The following STXBP5L variants were observed in gnomAD, a reference collection of about 807,000 sequenced individuals.
STXBP5L encodes the protein syntaxin-binding protein 5-like.
Under a neutral mutation model 144.5 loss-of-function variants are expected in STXBP5L, and 65 were observed. The ratio of observed to expected loss-of-function variants is 0.45; its 90% CI spans 0.37 to 0.55. STXBP5L has a LOEUF of 0.55. STXBP5L is among the 20% of genes least tolerant of loss of function. The pLI is 0.00. For missense variants in STXBP5L, 1,298 were observed against 1,405.5 expected, an observed-to-expected ratio of 0.92 and a Z score of 1.22; for synonymous variants, 505 against 469.6, an observed-to-expected ratio of 1.08 and a Z score of -0.97.
chr3:121,026,418 C>T (rs2107483243), intron 3 of STXBP5L, among the ~76,000 whole-genome samples: 1 of 152,182 alleles, frequency 6.6e-6, no homozygotes, highest in Non-Finnish European at 1.5e-5. Context: ...CATTATAACA[C>T]ATCACTAGCT....
intron 5 of STXBP5L, among the ~76,000 whole-genome samples, chr3:121,101,152 T>G (rs2043402680): frequency 6.6e-6 from 1 of 152,046 alleles, no homozygotes; most frequent in Non-Finnish European, 1.5e-5. Flanking sequence ...ACAGTCAAAT[T>G]CCACCAGACA....
chr3:121,006,359 A>C (rs144080126), intron 3 of STXBP5L, among the ~76,000 whole-genome samples: 62 of 152,152 alleles, frequency 4.1e-4, no homozygotes, highest in Non-Finnish European at 8.5e-4. Flanking sequence ...GTTTTATCAG[A>C]GACTAGGATT....
chr3:120,976,459 C>T (rs527785694), intron 3 of STXBP5L, among the ~76,000 whole-genome samples: 3 of 152,174 alleles, frequency 2.0e-5, no homozygotes, highest in Admixed American at 6.5e-5. Flanking sequence ...GTCTTGCTAG[C>T]AGTGTATCAA....
At chr3:121,327,198 A>C (rs1464960673) in intron 20 of STXBP5L, among the ~76,000 whole-genome samples, 1 of 152,184 alleles carries the variant, frequency 6.6e-6, no homozygotes, top group African/African-American at 2.4e-5. Context: ...GATTGAAGAA[A>C]GATGATACAG....
chr3:121,342,013 G>A (rs980295045), intron 20 of STXBP5L, among the ~76,000 whole-genome samples: 1 of 152,074 alleles, frequency 6.6e-6, no homozygotes, highest in African/African-American at 2.4e-5. Flanking sequence ...GTAACACAAA[G>A]GAAGGGTAAT....
intron 7 of STXBP5L, among the ~76,000 whole-genome samples, chr3:121,148,532 A>C (rs567797487): frequency 1.1e-4 from 16 of 152,272 alleles, no homozygotes; most frequent in Non-Finnish European, 1.9e-4. Flanking sequence ...CTCCTTAATG[A>C]TGAATTAATA....
At chr3:121,020,075 T>G (rs1470018767) in intron 3 of STXBP5L, among the ~76,000 whole-genome samples, 5 of 151,862 alleles carry the variant, frequency 3.3e-5, no homozygotes, top group African/African-American at 1.2e-4. Context: ...ATAGCATAAA[T>G]AAAAAACAAT....
At chr3:121,259,807 C>T (rs945448072) in intron 18 of STXBP5L, among the ~76,000 whole-genome samples, 1 of 150,026 alleles carries the variant, frequency 6.7e-6, no homozygotes, top group Non-Finnish European at 1.5e-5. Flanking sequence ...TTAGTTGTTC[C>T]TGGTTTTTTT....
intron 2 of STXBP5L, among the ~76,000 whole-genome samples, chr3:120,938,191 G>A (rs1054516403): frequency 9.2e-5 from 14 of 151,840 alleles, no homozygotes; most frequent in Admixed American, 6.6e-4. Context: ...TATAAAAATG[G>A]GATTGATACA....
intron 24 of STXBP5L, among the ~76,000 whole-genome samples, chr3:121,414,814 T>C (rs2047195699): frequency 1.3e-5 from 2 of 152,232 alleles, no homozygotes; most frequent in African/African-American, 4.8e-5. Context: ...TTTTAGCAGA[T>C]TTGTTTATTA....
At chr3:121,339,155 A>T (rs1469059055) in intron 20 of STXBP5L, among the ~76,000 whole-genome samples, 1 of 152,188 alleles carries the variant, frequency 6.6e-6, no homozygotes, top group African/African-American at 2.4e-5. Context: ...ATTAACATAG[A>T]TGCAGAAATC....
chr3:121,173,323 T>TATA (rs35583909), intron 9 of STXBP5L, among the ~76,000 whole-genome samples: 18,501 of 146,390 alleles, frequency 0.13, 1,329 homozygotes, highest in African/African-American at 0.18. Context: ...GAACTTAAAA[T>TATA]ATAATAATAA....
intron 22 of STXBP5L, among the ~76,000 whole-genome samples, chr3:121,395,714 C>T: frequency 6.6e-6 from 1 of 152,318 alleles, no homozygotes; most frequent in East Asian, 1.9e-4. Context: ...GGAATACTCA[C>T]AGCAATGGTG....
chr3:121,347,037 T>A (rs1367862957), intron 20 of STXBP5L, among the ~76,000 whole-genome samples: 1 of 152,244 alleles, frequency 6.6e-6, no homozygotes, highest in Non-Finnish European at 1.5e-5. Flanking sequence ...CATGCCTATG[T>A]CCTGAATGGT....
chr3:121,365,002 C>G (rs908788159), intron 20 of STXBP5L, among the ~76,000 whole-genome samples: 1 of 151,612 alleles, frequency 6.6e-6, no homozygotes, highest in African/African-American at 2.4e-5. Context: ...TTTTTTGAGT[C>G]TCTATCTGAG....
At chr3:121,327,114 A>G (rs1425541083) in intron 20 of STXBP5L, among the ~76,000 whole-genome samples, 1 of 152,158 alleles carries the variant, frequency 6.6e-6, no homozygotes, top group Non-Finnish European at 1.5e-5. Flanking sequence ...CATCCTTATG[A>G]TGAACCAGGC....
intron 20 of STXBP5L, among the ~76,000 whole-genome samples, chr3:121,333,376 GT>G (rs1216404009): frequency 2.6e-5 from 4 of 152,092 alleles, no homozygotes. Context: ...GGCTAAGTCA[GT>G]GTTAAGAGGG....
intron 2 of STXBP5L, among the ~76,000 whole-genome samples, chr3:120,939,505 A>G (rs1710448380): frequency 6.6e-6 from 1 of 152,142 alleles, no homozygotes; most frequent in Admixed American, 6.6e-5. Context: ...CATCTGAGGA[A>G]AAGAGGTAAC....
chr3:120,966,548 C>T (rs775937173), intron 3 of STXBP5L, among the ~76,000 whole-genome samples: 3 of 152,158 alleles, frequency 2.0e-5, no homozygotes, highest in African/African-American at 7.2e-5. Flanking sequence ...CCCTCAACTG[C>T]AGGTCTTTTG....
Sources: allele counts gnomAD v4.1 joint callset (sites outside exome capture counted in the v4.1 genomes callset), GRCh38; gene constraint gnomAD v4.1.1; transcripts MANE v1.5; gene names NCBI Gene and HGNC (gene_info 2026-07-23, HGNC 2026-07-21).